The following WWOX variants were observed in gnomAD, a reference collection of about 807,000 sequenced individuals.
WWOX encodes the protein WW domain-containing oxidoreductase.
In WWOX, 69 loss-of-function variants were observed where a neutral mutation model predicts 46.2. That is an observed-to-expected ratio of 1.49 (90% CI 1.23 to 1.82). The LOEUF is 1.82. Among genes scored for constraint, WWOX ranks in the 40% most tolerant of loss-of-function variants. The pLI is 0.00. For synonymous variants in WWOX, 359 were observed against 202.6 expected (o/e 1.77, Z -6.56); for missense variants, 919 against 542.6 (o/e 1.69, Z -6.89).
intron 8 of WWOX, among the ~76,000 whole-genome samples, chr16:78,724,065 T>G (rs1423681591): frequency 6.6e-6 from 1 of 152,102 alleles, no homozygotes; most frequent in African/African-American, 2.4e-5. Context: ...GCAGCATATC[T>G]CAGATCCAAC....
chr16:79,153,765 TTTG>T (rs1460971072), intron 8 of WWOX, among the ~76,000 whole-genome samples: 1 of 152,188 alleles, frequency 6.6e-6, no homozygotes, highest in Admixed American at 6.5e-5. Context: ...GGGGGGGTTT[TTTG>T]TTGTTGTTGT....
chr16:79,119,047 AAT>A (rs1263538697), intron 8 of WWOX, among the ~76,000 whole-genome samples: 1 of 152,184 alleles, frequency 6.6e-6, no homozygotes, highest in Admixed American at 6.5e-5. Context: ...CCAGAAATGG[AAT>A]TACTAGGTCA....
chr16:78,955,078 A>C (rs1228515313), intron 8 of WWOX, among the ~76,000 whole-genome samples: 6 of 152,130 alleles, frequency 3.9e-5, no homozygotes, highest in African/African-American at 1.4e-4. Flanking sequence ...TTCTTTCCTG[A>C]TCAGGAAACT....
chr16:78,374,799 C>T (rs1412378077), intron 5 of WWOX, among the ~76,000 whole-genome samples: 1 of 151,956 alleles, frequency 6.6e-6, no homozygotes, highest in African/African-American at 2.4e-5. Flanking sequence ...GTCCGTCTGC[C>T]TCGGCCTCCC....
chr16:78,333,337 C>G (rs1047785991), intron 5 of WWOX, among the ~76,000 whole-genome samples: 1 of 151,876 alleles, frequency 6.6e-6, no homozygotes, highest in Non-Finnish European at 1.5e-5. Flanking sequence ...ACATGAGCCA[C>G]CAAACCTGGT....
intron 8 of WWOX, among the ~76,000 whole-genome samples, chr16:78,623,263 ATGTGTACACCCTGGATAGTAGACAGAGAC>A (rs2046232218): frequency 6.6e-6 from 1 of 152,190 alleles, no homozygotes; most frequent in Admixed American, 6.5e-5. Context: ...GCAACAGAAA[ATGTGTACACCCTGGATAGTAGACAGAGAC>A]TGCATCTTTC....
At chr16:79,027,549 C>G (rs1567497504) in intron 8 of WWOX, among the ~76,000 whole-genome samples, 2 of 151,706 alleles carry the variant, frequency 1.3e-5, no homozygotes, top group African/African-American at 2.4e-5. Context: ...TCTGGAGAGC[C>G]TTTGATTATA....
chr16:78,266,860 T>A (rs944952187), intron 5 of WWOX, among the ~76,000 whole-genome samples: 2 of 124,490 alleles, frequency 1.6e-5, no homozygotes, highest in Admixed American at 9.0e-5. Flanking sequence ...CATAGTGATA[T>A]GGTTTGGCTG....
intron 8 of WWOX, among the ~76,000 whole-genome samples, chr16:78,890,000 C>G (rs940673584): frequency 6.6e-6 from 1 of 151,362 alleles, no homozygotes; most frequent in East Asian, 1.9e-4. Context: ...TTTTCTCTTT[C>G]TCCTAAATGT....
At chr16:79,058,781 A>G (rs527761613) in intron 8 of WWOX, among the ~76,000 whole-genome samples, 21 of 152,342 alleles carry the variant, frequency 1.4e-4, no homozygotes, top group Middle Eastern at 6.8e-3. Flanking sequence ...ATTTTATTCT[A>G]TACTAACAAA....
At chr16:78,671,796 C>T (rs927305364) in intron 8 of WWOX, among the ~76,000 whole-genome samples, 64 of 152,064 alleles carry the variant, frequency 4.2e-4, no homozygotes, top group Admixed American at 4.0e-3. Context: ...ATTCAATTTG[C>T]CTTGCTAATA....
chr16:78,120,547 G>C, intron 4 of WWOX, among the ~76,000 whole-genome samples: 1 of 151,294 alleles, frequency 6.6e-6, no homozygotes, highest in African/African-American at 2.4e-5. Flanking sequence ...TCCGCAGTCC[G>C]GCCTGGGCGA....
chr16:78,405,432 C>T (rs886726370), intron 6 of WWOX, among the ~76,000 whole-genome samples: 3 of 152,162 alleles, frequency 2.0e-5, no homozygotes, highest in South Asian at 2.1e-4. Flanking sequence ...ATGTGACGGT[C>T]CTTTCAAATT....
rs565381298 is a variant in WWOX, at chr16:78,678,438, A to G, written c.1056+245686A>G. Among the ~76,000 whole-genome samples the G allele has an allele frequency of 5.9e-5, 9 of 152,328 alleles. No individual in the cohort carries two copies. In the South Asian group the frequency reaches 1.7e-3, roughly 28 times the overall value. Reference sequence around the variant, plus strand: ...AATGGATTATTTTAGTTTGGCCTCAATCTTTATAGAAACTCAATTCAACAA... The same window carrying G: ...AATGGATTATTTTAGTTTGGCCTCAGTCTTTATAGAAACTCAATTCAACAA... On this transcript the variant is annotated intron_variant, in intron 8 of 8. Transcript: ENST00000566780.
chr16:78,179,276 T>A (rs577758320), intron 5 of WWOX, among the ~76,000 whole-genome samples: 1 of 152,274 alleles, frequency 6.6e-6, no homozygotes, highest in Admixed American at 6.5e-5. Flanking sequence ...GGTGAAAAAT[T>A]GAGGTATGAA....
chr16:78,672,036 A>G (rs980316026), intron 8 of WWOX, among the ~76,000 whole-genome samples: 3 of 152,226 alleles, frequency 2.0e-5, no homozygotes, highest in East Asian at 1.9e-4. Context: ...AGAGTTAAGT[A>G]TCACTTTGAG....
At chr16:78,100,445 G>C (rs1232282873) in intron 1 of WWOX, among the ~76,000 whole-genome samples, 9 of 152,124 alleles carry the variant, frequency 5.9e-5, no homozygotes, top group Admixed American at 5.9e-4. Context: ...TAGAGACTAG[G>C]GTCGCACCAT....
chr16:78,371,808 T>G (rs1231360030), intron 5 of WWOX, among the ~76,000 whole-genome samples: 1 of 152,222 alleles, frequency 6.6e-6, no homozygotes, highest in Admixed American at 6.5e-5. Flanking sequence ...ATCATTTATC[T>G]TTTATCTTTA....
intron 8 of WWOX, among the ~76,000 whole-genome samples, chr16:78,803,645 G>C (rs944911168): frequency 1.3e-5 from 2 of 151,952 alleles, no homozygotes; most frequent in Non-Finnish European, 2.9e-5. Context: ...TTTTTGTAGA[G>C]ATGTGGTCTC....
Sources: allele counts gnomAD v4.1 joint callset (sites outside exome capture counted in the v4.1 genomes callset), GRCh38; gene constraint gnomAD v4.1.1; transcripts MANE v1.5; gene names NCBI Gene and HGNC (gene_info 2026-07-23, HGNC 2026-07-21).